Variants in SMYD3 observed in about 807,000 individuals in gnomAD.
SMYD3 encodes SET and MYND domain containing 3.
SMYD3 carries 36 observed loss-of-function variants against 57.7 expected under a neutral mutation model. The ratio of observed to expected loss-of-function variants is 0.62; its 90% CI spans 0.48 to 0.82. SMYD3 has a LOEUF of 0.82. SMYD3 is among the 40% of genes least tolerant of loss of function. SMYD3 has a pLI of 0.00. For synonymous variants in SMYD3, 211 were observed against 195.0 expected (o/e 1.08, Z -0.68); for missense variants, 515 against 538.8 (o/e 0.96, Z 0.44).
intron 5 of SMYD3, among the ~76,000 whole-genome samples, chr1:246,103,823 C>T (rs2061064016): frequency 6.6e-6 from 1 of 152,194 alleles, no homozygotes; most frequent in Admixed American, 6.5e-5. Context: ...TAGAACCCAC[C>T]CATCTGCTGA....
intron 5 of SMYD3, among the ~76,000 whole-genome samples, chr1:246,083,042 C>T (rs551307279): frequency 1.5e-4 from 23 of 151,750 alleles, no homozygotes; most frequent in Non-Finnish European, 3.4e-4. Context: ...CCCCATGTGA[C>T]AGTCTGAAAT....
chr1:246,257,966 G>A (rs746312772), intron 5 of SMYD3, among the ~76,000 whole-genome samples: 1 of 152,130 alleles, frequency 6.6e-6, no homozygotes, highest in African/African-American at 2.4e-5. Flanking sequence ...AGTAGATGCT[G>A]CCATGCTTCC....
At chr1:245,764,531 G>T (rs1207933926) in intron 10 of SMYD3, among the ~76,000 whole-genome samples, 1 of 152,004 alleles carries the variant, frequency 6.6e-6, no homozygotes, top group Admixed American at 6.6e-5. Context: ...CACAGCCCTG[G>T]AACAGCAGAT....
chr1:246,023,452 C>A (rs989629335), intron 5 of SMYD3, among the ~76,000 whole-genome samples: 1 of 152,102 alleles, frequency 6.6e-6, no homozygotes, highest in Non-Finnish European at 1.5e-5. Context: ...CCAAGTGTAG[C>A]TGCTTGAATC....
rs560330103 is a variant in SMYD3 at position 246,363,430 on chromosome 1, T to C, written c.165-8336A>G. Among the ~76,000 whole-genome samples, 179 of 149,124 alleles carry C rather than the reference T, an allele frequency of 1.2e-3. 2 individuals are homozygous for C. Among genetic ancestry groups the C allele is most frequent in the African/African-American group, 3.3e-3 (137 of 40,982 alleles). On this transcript the variant is annotated intron_variant, in intron 1 of 11. Coordinates refer to ENST00000490107, the MANE Select transcript of SMYD3 (RefSeq NM_001167740.2). ...CCCGTCTGGGAGGTGTACCCAACAG[T>C]TCATTGAGAACGGGCCATGATGACA...
intron 1 of SMYD3, among the ~76,000 whole-genome samples, chr1:246,368,608 G>A (rs1487347433): frequency 3.3e-5 from 5 of 152,156 alleles, no homozygotes; most frequent in Non-Finnish European, 7.3e-5. Flanking sequence ...TGGATTGAAG[G>A]ATGCAACATA....
intron 1 of SMYD3, among the ~76,000 whole-genome samples, chr1:246,378,772 T>C (rs1281124237): frequency 8.4e-6 from 1 of 119,308 alleles, no homozygotes; most frequent in African/African-American, 3.3e-5. Flanking sequence ...ATATTATATA[T>C]AATTTAATAT....
intron 1 of SMYD3, among the ~76,000 whole-genome samples, chr1:246,460,654 C>A (rs2067784353): frequency 6.6e-6 from 1 of 152,100 alleles, no homozygotes; most frequent in Non-Finnish European, 1.5e-5. Context: ...AAAGCTGTGC[C>A]TTAGAAAATC....
chr1:246,364,104 A>G (rs1206399530), intron 1 of SMYD3, among the ~76,000 whole-genome samples: 1 of 152,038 alleles, frequency 6.6e-6, no homozygotes, highest in Non-Finnish European at 1.5e-5. Context: ...AGGCAAGGAC[A>G]CAGATTTTCC....
At chr1:246,090,845 C>T (rs1260694330) in intron 5 of SMYD3, among the ~76,000 whole-genome samples, 3 of 152,078 alleles carry the variant, frequency 2.0e-5, no homozygotes, top group African/African-American at 7.2e-5. Flanking sequence ...CTCTTAACTC[C>T]GCTTCTAAAC....
chr1:246,212,497 A>G (rs1435579793), intron 5 of SMYD3, among the ~76,000 whole-genome samples: 1 of 152,096 alleles, frequency 6.6e-6, no homozygotes, highest in Non-Finnish European at 1.5e-5. Flanking sequence ...AATGCTAATG[A>G]TTTTTGGTGA....
intron 10 of SMYD3, among the ~76,000 whole-genome samples, chr1:245,784,837 G>C (rs1184732734): frequency 6.7e-6 from 1 of 148,206 alleles, no homozygotes; most frequent in Non-Finnish European, 1.5e-5. Flanking sequence ...AGGGAATTTA[G>C]ACTGAATTTT....
intron 5 of SMYD3, among the ~76,000 whole-genome samples, chr1:246,124,369 A>T (rs2061473197): frequency 6.6e-6 from 1 of 152,180 alleles, no homozygotes; most frequent in African/African-American, 2.4e-5. Context: ...AGAAAGAAAG[A>T]AAAGTTACTT....
At chr1:245,883,948 T>C (rs569296670) in intron 8 of SMYD3, among the ~76,000 whole-genome samples, 1 of 152,032 alleles carries the variant, frequency 6.6e-6, no homozygotes. Context: ...AGTTTCATGA[T>C]TTTTTTTCCT....
intron 8 of SMYD3, among the ~76,000 whole-genome samples, chr1:245,897,536 C>T (rs778731307): frequency 1.4e-4 from 22 of 152,164 alleles, no homozygotes; most frequent in Non-Finnish European, 2.2e-4. Context: ...AAGAAACAAA[C>T]CATCAAAGAG....
chr1:246,139,001 GTT>G (rs2148106087), intron 5 of SMYD3, among the ~76,000 whole-genome samples: 2 of 152,260 alleles, frequency 1.3e-5, no homozygotes, highest in South Asian at 4.1e-4. Flanking sequence ...AGAGGAAGGG[GTT>G]TTTATCTTCT....
intron 5 of SMYD3, among the ~76,000 whole-genome samples, chr1:246,228,240 G>C (rs4654095): frequency 0.21 from 31,457 of 151,942 alleles, 3,937 homozygotes; most frequent in East Asian, 0.58. Flanking sequence ...AAAGTACTGG[G>C]ATTGCAGACG....
chr1:246,134,202 A>C (rs1216424368), intron 5 of SMYD3, among the ~76,000 whole-genome samples: 2 of 152,118 alleles, frequency 1.3e-5, no homozygotes, highest in African/African-American at 2.4e-5. Context: ...TTCTTCTAGA[A>C]GTGGCCTATG....
chr1:246,372,069 A>T (rs2066201577), intron 1 of SMYD3, among the ~76,000 whole-genome samples: 1 of 152,280 alleles, frequency 6.6e-6, no homozygotes, highest in Non-Finnish European at 1.5e-5. Context: ...CATGCTGCCT[A>T]GTTCCTAAGT....
Sources: gnomAD v4.1 joint callset for allele counts (sites outside exome capture counted in the v4.1 genomes callset) on GRCh38, gnomAD v4.1.1 for gene constraint, MANE v1.5 for transcripts, NCBI Gene and HGNC (gene_info 2026-07-23, HGNC 2026-07-21) for gene names.